Variants in RXFP1 observed in about 807,000 individuals in gnomAD.
The protein encoded by RXFP1 is relaxin receptor 1.
In RXFP1, 73 loss-of-function variants were observed where a neutral mutation model predicts 89.8. That is an observed-to-expected ratio of 0.81 (90% CI 0.67 to 0.99). The LOEUF is 0.99. RXFP1 is among the 50% of genes least tolerant of loss of function. The pLI is 0.00. For missense variants in RXFP1, 793 were observed against 895.5 expected (o/e 0.89, Z 1.46); for synonymous variants, 277 against 305.5 (o/e 0.91, Z 0.97).
At chr4:158,568,349 A>G (rs978016136) in intron 1 of RXFP1, among the ~76,000 whole-genome samples, 1 of 152,262 alleles carries the variant, frequency 6.6e-6, no homozygotes, top group East Asian at 1.9e-4. Context: ...GGACATAAAA[A>G]GATAATATTC....
At chr4:158,570,110 T>G (rs1754718658) in intron 1 of RXFP1, among the ~76,000 whole-genome samples, 1 of 152,158 alleles carries the variant, frequency 6.6e-6, no homozygotes, top group South Asian at 2.1e-4. Flanking sequence ...AATGACTAAT[T>G]TTTCTTCAAA....
chr4:158,575,418 C>T (rs993554537), intron 2 of RXFP1, among the ~76,000 whole-genome samples: 7 of 151,996 alleles, frequency 4.6e-5, no homozygotes, highest in African/African-American at 7.3e-5. Context: ...ATAATGTATC[C>T]GAGATGCTTA....
At chr4:158,585,058 C>T (rs188404700) in intron 2 of RXFP1, among the ~76,000 whole-genome samples, 1 of 152,164 alleles carries the variant, frequency 6.6e-6, no homozygotes, top group Admixed American at 6.5e-5. Context: ...TTCAAGTTCC[C>T]AGGTGATGCT....
chr4:158,626,932 C>A, intron 10 of RXFP1, 41 bp downstream of exon 10: 8 of 1,095,596 alleles, frequency 7.3e-6, no homozygotes, highest in South Asian at 1.6e-5. Context: ...ATTATCTTTT[C>A]TTACAAATAA....
intron 1 of RXFP1, among the ~76,000 whole-genome samples, chr4:158,565,629 G>A (rs1395367064): frequency 6.6e-6 from 1 of 152,140 alleles, no homozygotes; most frequent in African/African-American, 2.4e-5. Flanking sequence ...ACCAAAGCTA[G>A]GTTAAAAGAG....
intron 2 of RXFP1, among the ~76,000 whole-genome samples, chr4:158,580,905 C>G (rs1202958744): frequency 6.6e-6 from 1 of 152,176 alleles, no homozygotes; most frequent in Non-Finnish European, 1.5e-5. Context: ...TCAAGTGATT[C>G]TCCTGCCTCA....
At chr4:158,547,856 T>A (rs1748919128) in intron 1 of RXFP1, among the ~76,000 whole-genome samples, 1 of 152,136 alleles carries the variant, frequency 6.6e-6, no homozygotes, top group African/African-American at 2.4e-5. Context: ...TGCTGAGGAG[T>A]GCTTTACTTC....
intron 15 of RXFP1, chr4:158,646,153 G>A (rs1028079848): frequency 1.1e-5 from 3 of 284,906 alleles, no homozygotes; most frequent in African/African-American, 2.3e-5. Context: ...CCTGGGATCG[G>A]AGACCCTAAA....
At chr4:158,522,289 T>G (rs1741367399) in intron 1 of RXFP1, among the ~76,000 whole-genome samples, 1 of 152,180 alleles carries the variant, frequency 6.6e-6, no homozygotes, top group Non-Finnish European at 1.5e-5. Flanking sequence ...ATAATTGATA[T>G]TTTAAGCAAC....
At chr4:158,537,090 C>T (rs574960094) in intron 1 of RXFP1, among the ~76,000 whole-genome samples, 2 of 150,502 alleles carry the variant, frequency 1.3e-5, no homozygotes, top group South Asian at 2.2e-4. Context: ...CCTAGCTAAA[C>T]TAGAAAAATA....
chr4:158,560,703 A>C (rs1752255531), intron 1 of RXFP1, among the ~76,000 whole-genome samples: 1 of 152,196 alleles, frequency 6.6e-6, no homozygotes, highest in African/African-American at 2.4e-5. Context: ...TCATAGATGC[A>C]AAACTGTTGC....
rs1333319716 is a variant in RXFP1, at chr4:158,652,100, C to T, written c.*45C>T. On this transcript the variant is annotated 3_prime_UTR_variant, in exon 18 of 18. Transcript: ENST00000307765. ...CTTCGCAGAGAATACTGTGGGGGTG[C>T]TTCATGAGGGATTTACTGGTATGAA... 1.3e-6 allele frequency: 2 copies of T among 1,487,740 alleles called. No homozygotes were observed. Among genetic ancestry groups the T allele is most frequent in the Non-Finnish European group, 1.8e-6 (2 of 1,100,288 alleles). 92.2% of individuals were successfully genotyped at this position (1,487,740 alleles called of 1,614,324 possible). A position where few individuals can be genotyped will look rare whatever the true frequency, so the allele number is the denominator to read the frequency against.
chr4:158,623,111 A>G (rs1765943205), intron 9 of RXFP1, among the ~76,000 whole-genome samples: 1 of 152,192 alleles, frequency 6.6e-6, no homozygotes, highest in African/African-American at 2.4e-5. Flanking sequence ...AATGTCCAAT[A>G]AAAGATATCA....
chr4:158,600,128 T>C (rs1041837589), intron 4 of RXFP1, among the ~76,000 whole-genome samples: 1 of 152,246 alleles, frequency 6.6e-6, no homozygotes, highest in African/African-American at 2.4e-5. Context: ...ACAGCTATTT[T>C]AATCCAATAT....
At position 158,572,863 on chromosome 4, in the gene RXFP1, A is replaced by G. The variant is rs748384362; in HGVS notation, c.187+28A>G. The G allele has an allele frequency of 1.9e-6, 3 of 1,612,334 alleles. No individual in the cohort carries two copies. In the South Asian group the frequency reaches 3.3e-5, roughly 18 times the overall value. On this transcript the variant is annotated intron_variant, in intron 2 of 17. Transcript: ENST00000307765. ...GAGTGAAGCCCCTGCAGTCACGGTG[A>G]GAGAAAGGAGCAGAAAGGACTGAAG...
At chr4:158,646,465 T>C (rs1407987164) in intron 15 of RXFP1, 59 of 1,234,590 alleles carry the variant, frequency 4.8e-5, no homozygotes, top group Non-Finnish European at 6.0e-5. Flanking sequence ...CTCTACGTGA[T>C]TGCATTTTGT....
In RXFP1 at chr4:158,632,445, G is replaced by A. The variant is rs553479551; in HGVS notation, c.900-960G>A. 5.9e-5 allele frequency among the ~76,000 whole-genome samples: 9 copies of A among 152,206 alleles called. No individual in the cohort carries two copies. The South Asian group carries it at 1.9e-3, about 32-fold the overall frequency. On this transcript the variant is annotated intron_variant, in intron 11 of 17. Coordinates refer to ENST00000307765, the MANE Select transcript of RXFP1 (RefSeq NM_021634.4). Reference sequence around the variant, plus strand: ...TGATTTGGAGATGAATAGAAGAAAAGGTTAGACTTTCCCTTAGTATCTCTT... The same window carrying A: ...TGATTTGGAGATGAATAGAAGAAAAAGTTAGACTTTCCCTTAGTATCTCTT...
intron 1 of RXFP1, among the ~76,000 whole-genome samples, chr4:158,549,735 G>A (rs984427930): frequency 3.3e-5 from 5 of 152,166 alleles, no homozygotes; most frequent in African/African-American, 1.2e-4. Flanking sequence ...TGTTTGCCTG[G>A]GTATCAGCAG....
At chr4:158,641,010 T>G (rs1770272082) in intron 14 of RXFP1, among the ~76,000 whole-genome samples, 1 of 152,228 alleles carries the variant, frequency 6.6e-6, no homozygotes, top group African/African-American at 2.4e-5. Context: ...ATTAGAATGA[T>G]CCATGCCATG....
Sources: gnomAD v4.1 joint callset for allele counts (sites outside exome capture counted in the v4.1 genomes callset) on GRCh38, gnomAD v4.1.1 for gene constraint, MANE v1.5 for transcripts, NCBI Gene and HGNC (gene_info 2026-07-23, HGNC 2026-07-21) for gene names.